The following NAV3 variants were observed in gnomAD, a reference collection of about 807,000 sequenced individuals.
NAV3 encodes neuron navigator 3, also known as pore membrane and/or filament interacting like protein 1.
NAV3 carries 87 observed loss-of-function variants against 244.7 expected under a neutral mutation model. The observed-to-expected ratio is 0.36, with a 90% CI of 0.30 to 0.42. The LOEUF is 0.42. Among genes scored for constraint, NAV3 ranks in the 20% least tolerant of loss-of-function variants. The pLI is 1.00. For missense variants in NAV3, 2,663 were observed against 2,893.3 expected, an observed-to-expected ratio of 0.92 and a Z score of 1.83; for synonymous variants, 1,126 against 1,042.2, an observed-to-expected ratio of 1.08 and a Z score of -1.55.
Position 77,686,889 on chromosome 12 carries a change from A to G in NAV3, c.72+114623A>G, listed in dbSNP as rs561093506. 2.6e-5 allele frequency among the ~76,000 whole-genome samples: 4 copies of G among 152,104 alleles called. No homozygotes were observed. The East Asian group carries it at 5.8e-4, about 22-fold the overall frequency. ...TTAAAATTTGTATTGTAATATGCAA[A>G]CAGAGTTGTAGAAGAATTTTTTAAA... On this transcript the variant is annotated intron_variant, in intron 2 of 8. Transcript: ENST00000550042.
intron 2 of NAV3, among the ~76,000 whole-genome samples, chr12:77,654,639 G>A (rs978321345): frequency 2.0e-5 from 3 of 152,274 alleles, no homozygotes; most frequent in Non-Finnish European, 4.4e-5. Context: ...TCTGAGAACG[G>A]GCAGACTGCC....
intron 2 of NAV3, among the ~76,000 whole-genome samples, chr12:77,757,581 T>C (rs1869249570): frequency 6.6e-6 from 1 of 152,210 alleles, no homozygotes; most frequent in Non-Finnish European, 1.5e-5. Context: ...CTTCTCCTGG[T>C]ATGTCTATGC....
chr12:78,054,120 TAGAA>T (rs1445200997), intron 11 of NAV3, among the ~76,000 whole-genome samples: 2 of 152,104 alleles, frequency 1.3e-5, no homozygotes, highest in Admixed American at 6.6e-5. Context: ...TCACATGAAA[TAGAA>T]AGCAGTGAAT....
intron 2 of NAV3, among the ~76,000 whole-genome samples, chr12:77,674,244 T>C (rs1441918190): frequency 6.6e-6 from 1 of 152,228 alleles, no homozygotes; most frequent in African/African-American, 2.4e-5. Context: ...GTTTGTAATA[T>C]TCAGTGGGCT....
At chr12:77,975,613 G>T (rs1416405791) in intron 5 of NAV3, among the ~76,000 whole-genome samples, 2 of 152,192 alleles carry the variant, frequency 1.3e-5, no homozygotes, top group Admixed American at 6.5e-5. Context: ...GCTGAGAGAA[G>T]AAATGCTCTT....
At chr12:77,778,086 C>T (rs938708626) in intron 2 of NAV3, among the ~76,000 whole-genome samples, 2 of 151,446 alleles carry the variant, frequency 1.3e-5, no homozygotes, top group Non-Finnish European at 2.9e-5. Flanking sequence ...TAGTAATTTT[C>T]TTTGGCAAAA....
At chr12:78,188,205 T>C in intron 31 of NAV3, 43 bp from the exon 32 acceptor site, 1 of 1,381,836 alleles carries the variant, frequency 7.2e-7, no homozygotes, top group South Asian at 1.2e-5. Context: ...ATAAAAAAGA[T>C]ACACGGTTGG....
intron 24 of NAV3, among the ~76,000 whole-genome samples, chr12:78,169,703 GTA>G (rs1474031205): frequency 7.1e-4 from 108 of 151,776 alleles, no homozygotes; most frequent in Non-Finnish European, 1.3e-3. Context: ...CCACTGGAGT[GTA>G]GCTCCTTTTC....
At chr12:77,674,047 G>T (rs1208262213) in intron 2 of NAV3, among the ~76,000 whole-genome samples, 1 of 151,984 alleles carries the variant, frequency 6.6e-6, no homozygotes, top group Non-Finnish European at 1.5e-5. Context: ...CATTTCCAAA[G>T]GAGTCTTAAA....
In NAV3 at chr12:78,049,203, C is replaced by CA. The variant is rs532388460; in HGVS notation, c.2024-789dup. ...GCTAGACCACTTAGCTCCCTGGCTT[C>CA]AGCCCCCTTTCCAGGTGAGTGGATG... On this transcript the variant is annotated intron_variant, in intron 9 of 39. Transcript: ENST00000397909. Among the ~76,000 whole-genome samples, 185 of 152,282 alleles carry CA rather than the reference C, an allele frequency of 1.2e-3. 2 individuals carry two copies. The highest frequency in any genetic ancestry group is 3.7e-3 in the African/African-American group (154 of 41,572).
intron 2 of NAV3, among the ~76,000 whole-genome samples, chr12:77,770,344 T>G (rs1380439597): frequency 1.3e-5 from 2 of 152,172 alleles, no homozygotes; most frequent in African/African-American, 4.8e-5. Flanking sequence ...AACAGACGGC[T>G]GAGTTAGAGA....
intron 1 of NAV3, among the ~76,000 whole-genome samples, chr12:77,910,205 G>A (rs1388216651): frequency 6.6e-6 from 1 of 152,046 alleles, no homozygotes; most frequent in Non-Finnish European, 1.5e-5. Context: ...GACTGTACAG[G>A]AAGCACAGTG....
At chr12:78,105,633 A>G (rs1193831655) in intron 12 of NAV3, among the ~76,000 whole-genome samples, 1 of 152,012 alleles carries the variant, frequency 6.6e-6, no homozygotes, top group Non-Finnish European at 1.5e-5. Context: ...TCAGTTAGTA[A>G]GAATTTTAAG....
chr12:77,695,689 C>G (rs1875263632), intron 2 of NAV3, among the ~76,000 whole-genome samples: 1 of 152,082 alleles, frequency 6.6e-6, no homozygotes, highest in African/African-American at 2.4e-5. Context: ...CCCCTCTCCT[C>G]CATTCCCCAT....
intron 2 of NAV3, among the ~76,000 whole-genome samples, chr12:77,578,290 C>T (rs143094988): frequency 2.6e-4 from 39 of 152,268 alleles, no homozygotes; most frequent in Non-Finnish European, 5.0e-4. Context: ...TAAGATCCCC[C>T]GGTGACTCTA....
intron 12 of NAV3, among the ~76,000 whole-genome samples, chr12:78,079,264 T>A (rs1953225119): frequency 6.6e-6 from 1 of 152,146 alleles, no homozygotes; most frequent in African/African-American, 2.4e-5. Context: ...CAGTGTGAGA[T>A]TTTTAGATAT....
chr12:77,759,494 T>C (rs1458530936), intron 2 of NAV3, among the ~76,000 whole-genome samples: 1 of 152,216 alleles, frequency 6.6e-6, no homozygotes. Context: ...TATCTGATAA[T>C]GAAACTATGT....
chr12:77,833,605 A>G (rs1874097933), intron 1 of NAV3, among the ~76,000 whole-genome samples: 1 of 152,128 alleles, frequency 6.6e-6, no homozygotes, highest in Admixed American at 6.5e-5. Flanking sequence ...GTGTTCTTTT[A>G]GTTTTGCAGT....
At chr12:78,123,770 C>G (rs532512867) in intron 16 of NAV3, among the ~76,000 whole-genome samples, 1 of 152,130 alleles carries the variant, frequency 6.6e-6, no homozygotes, top group Non-Finnish European at 1.5e-5. Context: ...TAAAATGTAA[C>G]CATTTCCCTA....
Sources: allele counts gnomAD v4.1 joint callset (sites outside exome capture counted in the v4.1 genomes callset), GRCh38; gene constraint gnomAD v4.1.1; transcripts MANE v1.5; gene names NCBI Gene and HGNC (gene_info 2026-07-23, HGNC 2026-07-21).